The following PTPRD variants were observed in gnomAD, a reference collection of about 807,000 sequenced individuals.
The protein encoded by PTPRD is protein tyrosine phosphatase receptor type D, also known as receptor-type tyrosine-protein phosphatase delta.
A neutral mutation model predicts 214.5 loss-of-function variants in PTPRD; 34 were observed. That is an observed-to-expected ratio of 0.16 (90% CI 0.12 to 0.21). PTPRD has a LOEUF of 0.21. Ranked by LOEUF, PTPRD falls within the 10% of genes least tolerant of loss-of-function variation. The pLI is 1.00. For synonymous variants in PTPRD, 1,128 were observed against 845.7 expected (o/e 1.33, Z -5.79); for missense variants, 2,545 against 2,398.7 (o/e 1.06, Z -1.27).
intron 4 of PTPRD, among the ~76,000 whole-genome samples, chr9:10,015,934 C>T (rs2096701970): frequency 6.6e-6 from 1 of 152,016 alleles, no homozygotes; most frequent in Non-Finnish European, 1.5e-5. Context: ...TCCCATAAAC[C>T]TCTCTCTCTA....
intron 11 of PTPRD, among the ~76,000 whole-genome samples, chr9:8,866,986 G>T (rs1294099628): frequency 6.6e-6 from 1 of 152,132 alleles, no homozygotes; most frequent in Non-Finnish European, 1.5e-5. Flanking sequence ...GATGGAGTTA[G>T]TGGGAATTTA....
intron 9 of PTPRD, among the ~76,000 whole-genome samples, chr9:9,205,147 C>A (rs925067413): frequency 6.6e-6 from 1 of 152,084 alleles, no homozygotes; most frequent in Non-Finnish European, 1.5e-5. Context: ...TAAAAAAAAT[C>A]TTCTGGAATT....
intron 5 of PTPRD, among the ~76,000 whole-genome samples, chr9:9,884,094 G>A (rs1163013643): frequency 6.6e-6 from 1 of 152,058 alleles, no homozygotes; most frequent in African/African-American, 2.4e-5. Context: ...AGGATACGCA[G>A]TAAACACAGC....
intron 14 of PTPRD, among the ~76,000 whole-genome samples, chr9:8,557,327 A>T (rs1243296391): frequency 6.6e-6 from 1 of 151,784 alleles, no homozygotes; most frequent in Non-Finnish European, 1.5e-5. Flanking sequence ...GCAAGAACTC[A>T]ATACATGTCA....
At chr9:8,427,642 T>C (rs1293266961) in intron 35 of PTPRD, among the ~76,000 whole-genome samples, 1 of 152,158 alleles carries the variant, frequency 6.6e-6, no homozygotes, top group Admixed American at 6.5e-5. Context: ...AAGTTTCCAT[T>C]TCTTTCAGTC....
Position 8,827,472 on chromosome 9 carries a change from T to G in PTPRD, c.-103-93526A>C, listed in dbSNP as rs551616901. On this transcript the variant is annotated intron_variant, in intron 11 of 45. Transcript: ENST00000381196. Reference sequence around the variant, plus strand: ...AAATACAAAAATTAGCCAGGTATGGTGGCGCACCCCTGTAATTTCAGCTAC... The same window carrying G: ...AAATACAAAAATTAGCCAGGTATGGGGGCGCACCCCTGTAATTTCAGCTAC... 3.9e-5 allele frequency among the ~76,000 whole-genome samples: 6 copies of G among 151,984 alleles called. No homozygotes were observed. In the South Asian group the frequency reaches 1.2e-3, roughly 32 times the overall value.
intron 8 of PTPRD, among the ~76,000 whole-genome samples, chr9:9,421,522 AC>A (rs2078803033): frequency 1.3e-5 from 2 of 152,230 alleles, no homozygotes; most frequent in South Asian, 4.1e-4. Flanking sequence ...TTCAAATACA[AC>A]AAAAGTGTTT....
chr9:10,038,365 C>T (rs756987400), intron 3 of PTPRD, among the ~76,000 whole-genome samples: 1 of 152,080 alleles, frequency 6.6e-6, no homozygotes, highest in African/African-American at 2.4e-5. Flanking sequence ...GACATTTTTA[C>T]ATCAGTATCC....
intron 3 of PTPRD, among the ~76,000 whole-genome samples, chr9:10,114,250 T>A (rs2098713023): frequency 6.6e-6 from 1 of 152,128 alleles, no homozygotes; most frequent in Non-Finnish European, 1.5e-5. Context: ...TAAAATGAGA[T>A]AAGACATGAA....
Position 8,893,948 on chromosome 9 carries a change from A to T in PTPRD, c.-104+124749T>A, listed in dbSNP as rs561688632. Among the ~76,000 whole-genome samples, 152 of 152,064 alleles carry T rather than the reference A, an allele frequency of 1.0e-3. 1 individual carries two copies. Among genetic ancestry groups the T allele is most frequent in the African/African-American group, 3.5e-3 (146 of 41,512 alleles). On this transcript the variant is annotated intron_variant, in intron 11 of 45. Transcript: ENST00000381196. ...ATACATCTGCATATGTGGAAGTAAAAAAAAATAGACAAGAAAAGATATACA... is the reference window on the plus strand; with the variant it reads ...ATACATCTGCATATGTGGAAGTAAATAAAAATAGACAAGAAAAGATATACA...
At chr9:10,581,526 G>A (rs1309851201) in intron 2 of PTPRD, among the ~76,000 whole-genome samples, 1 of 152,170 alleles carries the variant, frequency 6.6e-6, no homozygotes, top group East Asian at 1.9e-4. Flanking sequence ...TTCAAAGAGT[G>A]ATGAGACAGA....
At chr9:10,044,539 T>C (rs1270596882) in intron 3 of PTPRD, among the ~76,000 whole-genome samples, 1 of 151,824 alleles carries the variant, frequency 6.6e-6, no homozygotes, top group East Asian at 1.9e-4. Flanking sequence ...ACAGGGAATC[T>C]AGATTTGAGA....
chr9:10,098,904 T>G (rs1470279149), intron 3 of PTPRD, among the ~76,000 whole-genome samples: 1 of 151,730 alleles, frequency 6.6e-6, no homozygotes, highest in Non-Finnish European at 1.5e-5. Flanking sequence ...TATACAATAT[T>G]TTTCTCATTT....
intron 7 of PTPRD, among the ~76,000 whole-genome samples, chr9:9,674,116 C>A (rs901577857): frequency 6.6e-6 from 1 of 151,530 alleles, no homozygotes; most frequent in African/African-American, 2.4e-5. Context: ...TAAATACTGT[C>A]TGTGTAAAAT....
chr9:9,365,377 T>C (rs931206331), intron 9 of PTPRD, among the ~76,000 whole-genome samples: 1 of 151,558 alleles, frequency 6.6e-6, no homozygotes, highest in African/African-American at 2.4e-5. Context: ...AGATTATTTT[T>C]ATGCACTGAA....
chr9:9,202,660 T>C (rs892204014), intron 9 of PTPRD, among the ~76,000 whole-genome samples: 3 of 152,164 alleles, frequency 2.0e-5, no homozygotes, highest in African/African-American at 7.2e-5. Flanking sequence ...AGTTGTGAAT[T>C]AGCAGTATGA....
At chr9:9,885,838 A>C (rs1416760609) in intron 5 of PTPRD, among the ~76,000 whole-genome samples, 1 of 152,078 alleles carries the variant, frequency 6.6e-6, no homozygotes, top group Non-Finnish European at 1.5e-5. Flanking sequence ...ATTTGTGGTA[A>C]TTTGTTACAG....
At chr9:9,864,729 G>A (rs1259059873) in intron 5 of PTPRD, among the ~76,000 whole-genome samples, 1 of 151,890 alleles carries the variant, frequency 6.6e-6, no homozygotes, top group African/African-American at 2.4e-5. Context: ...TTGTTGCCTA[G>A]GCTTGAACTG....
chr9:9,252,848 G>A (rs549557632), intron 9 of PTPRD, among the ~76,000 whole-genome samples: 63 of 151,920 alleles, frequency 4.1e-4, no homozygotes, highest in Non-Finnish European at 8.4e-4. Flanking sequence ...TTTTGTTACA[G>A]ATAACCAGCC....
Sources: allele counts gnomAD v4.1 joint callset (sites outside exome capture counted in the v4.1 genomes callset), GRCh38; gene constraint gnomAD v4.1.1; transcripts MANE v1.5; gene names NCBI Gene and HGNC (gene_info 2026-07-23, HGNC 2026-07-21).